The following ZNF730 variants were observed in gnomAD, a reference collection of about 807,000 sequenced individuals.
ZNF730 encodes putative zinc finger protein 730.
ZNF730 carries 12 observed loss-of-function variants against 12.6 expected under a neutral mutation model. That is an observed-to-expected ratio of 0.95 (90% CI 0.61 to 1.54). The LOEUF (loss-of-function observed/expected upper bound fraction) is 1.54, where lower values mean the gene tolerates loss of function less well. ZNF730 is among the 40% of genes most tolerant of loss of function. ZNF730 has a pLI of 0.00. For synonymous variants in ZNF730, 194 were observed against 195.8 expected (o/e 0.99, Z 0.08); for missense variants, 643 against 583.5 (o/e 1.10, Z -1.05).
intron 1 of ZNF730, among the ~76,000 whole-genome samples, chr19:23,104,124 G>A (rs896205280): frequency 2.0e-5 from 3 of 151,942 alleles, no homozygotes; most frequent in African/African-American, 7.3e-5. Context: ...TGGCTAACAC[G>A]GTGAAACCCA....
Position 23,146,710 on chromosome 19 carries a change from GGA to G in ZNF730, c.*157_*158del. On this transcript the variant is annotated 3_prime_UTR_variant, in exon 4 of 4. Coordinates refer to ENST00000597761, the MANE Select transcript of ZNF730 (RefSeq NM_001277403.2). ...TACTAAACATAAGGTAATTCATACTGGAGAAAAACCTACAAATGTGAAGAATG... is the reference window on the plus strand; with the variant it reads ...TACTAAACATAAGGTAATTCATACTGGAAAAACCTACAAATGTGAAGAATG... 7.1e-7 allele frequency: 1 copy of G among 1,401,066 alleles called. No homozygotes were observed. The highest frequency in any genetic ancestry group is 1.0e-6 in the Non-Finnish European group (1 of 989,308). The allele number at this position is 1,401,066 out of a possible 1,614,324, so 86.8% of individuals were successfully genotyped here.
At position 23,134,143 on chromosome 19, in the gene ZNF730, A is replaced by G; in HGVS notation, c.67A>G (p.Thr23Ala). Reference protein sequence around the residue: ...FSLEEWQCLDTEQQNLYRNVM... With the variant: ...FSLEEWQCLDAEQQNLYRNVM... ...TCTGGAGGAGTGGCAATGTCTGGAC[A>G]CCGAACAACAGAATTTATATAGAAA... The change falls in exon 2 of 4, where the codon ACC becomes GCC. Residue 23 changes from threonine to alanine, a missense_variant. By Grantham distance (58) the Thr-to-Ala change is moderately conservative (BLOSUM62 0). Coordinates refer to ENST00000597761, the MANE Select transcript of ZNF730 (RefSeq NM_001277403.2). The G allele has an allele frequency of 6.2e-7, 1 of 1,613,216 alleles. No homozygotes were observed. The highest frequency in any genetic ancestry group is 8.5e-7 in the Non-Finnish European group (1 of 1,179,640).
intron 1 of ZNF730, chr19:23,125,787 TA>T: frequency 5.4e-6 from 1 of 186,624 alleles, no homozygotes; most frequent in Non-Finnish European, 1.2e-5. Flanking sequence ...AGGATAAAAA[TA>T]AATACAACAC....
chr19:23,085,496 CTTTTTTTTTTTT>C (rs58871710), intron 1 of ZNF730, among the ~76,000 whole-genome samples: 15 of 52,790 alleles, frequency 2.8e-4, no homozygotes, highest in East Asian at 7.8e-4. Context: ...CCATGCCCGT[CTTTTTTTTTTTT>C]TTTTTTTTTT....
At chr19:23,096,934 T>C (rs900616388) in intron 1 of ZNF730, among the ~76,000 whole-genome samples, 2 of 152,208 alleles carry the variant, frequency 1.3e-5, no homozygotes, top group African/African-American at 2.4e-5. Flanking sequence ...AAAAGTGTTA[T>C]GACATCTTTT....
Position 23,076,345 on chromosome 19 carries a change from AAAAAAT to A in ZNF730, c.-94+971_-94+976del, listed in dbSNP as rs1376929342. ...AAATAATCCTCTGTCACTCCACTGT[AAAAAAT>A]AAAAATAAAAATTATCTCTGCCTCT... On this transcript the variant is annotated intron_variant, in intron 1 of 2. Coordinates refer to the ZNF730 transcript ENST00000593635. 1.4e-4 allele frequency among the ~76,000 whole-genome samples: 21 copies of A among 152,008 alleles called. No individual in the cohort carries two copies. The South Asian group carries it at 1.9e-3, about 13-fold the overall frequency.
chr19:23,142,211 A>G (rs1970932392), intron 3 of ZNF730, among the ~76,000 whole-genome samples: 1 of 152,164 alleles, frequency 6.6e-6, no homozygotes, highest in South Asian at 2.1e-4. Flanking sequence ...TTTTAACTTA[A>G]GATGTAGTTG....
At chr19:23,132,341 G>T (rs938961510) in intron 1 of ZNF730, among the ~76,000 whole-genome samples, 2 of 152,142 alleles carry the variant, frequency 1.3e-5, no homozygotes, top group Non-Finnish European at 2.9e-5. Context: ...AACATGCCTT[G>T]GAGTAAGGGT....
chr19:23,094,976 A>G (rs1970224658), intron 1 of ZNF730: 1 of 162,124 alleles, frequency 6.2e-6, no homozygotes, highest in Non-Finnish European at 1.3e-5. Flanking sequence ...ACCGTGCCTC[A>G]TCTGGTTATA....
chr19:23,081,273 C>T (rs1177416654), intron 1 of ZNF730, among the ~76,000 whole-genome samples: 1 of 151,566 alleles, frequency 6.6e-6, no homozygotes, highest in African/African-American at 2.4e-5. Flanking sequence ...ACCTCCTGAG[C>T]AGCTTGGATT....
chr19:23,101,804 G>A (rs1229373851), intron 1 of ZNF730, among the ~76,000 whole-genome samples: 4 of 152,152 alleles, frequency 2.6e-5, no homozygotes, highest in East Asian at 3.9e-4. Context: ...TCCTGACCTC[G>A]TGTTCTGCCC....
intron 1 of ZNF730, among the ~76,000 whole-genome samples, chr19:23,109,040 C>T (rs1056319361): frequency 6.6e-5 from 10 of 152,160 alleles, no homozygotes; most frequent in African/African-American, 1.7e-4. Flanking sequence ...GCATGAGCCA[C>T]AGCACCCAGC....
intron 1 of ZNF730, among the ~76,000 whole-genome samples, chr19:23,081,561 C>G (rs759800134): frequency 6.6e-6 from 1 of 151,994 alleles, no homozygotes; most frequent in Non-Finnish European, 1.5e-5. Flanking sequence ...CCCAGGTGAT[C>G]CACCCGCCTC....
intron 1 of ZNF730, among the ~76,000 whole-genome samples, chr19:23,101,348 G>A (rs1274505229): frequency 6.6e-6 from 1 of 152,198 alleles, no homozygotes; most frequent in African/African-American, 2.4e-5. Flanking sequence ...ATAAGAGTCT[G>A]TGACTTCACT....
chr19:23,140,031 G>A (rs1426237878), intron 3 of ZNF730, among the ~76,000 whole-genome samples: 4 of 152,012 alleles, frequency 2.6e-5, no homozygotes, highest in Non-Finnish European at 5.9e-5. Context: ...ATAATTAAGA[G>A]ATAAATCAGC....
At chr19:23,089,440 G>A (rs1030265070) in intron 1 of ZNF730, among the ~76,000 whole-genome samples, 2 of 152,114 alleles carry the variant, frequency 1.3e-5, no homozygotes, top group Admixed American at 6.6e-5. Flanking sequence ...AATTTGAATT[G>A]TGTTTCCCAG....
chr19:23,121,130 T>G (rs1444144250), intron 1 of ZNF730, among the ~76,000 whole-genome samples: 1 of 152,234 alleles, frequency 6.6e-6, no homozygotes, highest in Non-Finnish European at 1.5e-5. Flanking sequence ...TGTGGTCAGT[T>G]TTAGAGTATT....
intron 1 of ZNF730, among the ~76,000 whole-genome samples, chr19:23,086,268 C>CT (rs1465132772): frequency 1.3e-5 from 2 of 152,138 alleles, no homozygotes; most frequent in Non-Finnish European, 2.9e-5. Flanking sequence ...TCTGTTTACT[C>CT]TGTTCATAGT....
At chr19:23,097,418 T>C (rs920740997) in intron 1 of ZNF730, among the ~76,000 whole-genome samples, 9 of 152,146 alleles carry the variant, frequency 5.9e-5, no homozygotes, top group Non-Finnish European at 1.0e-4. Context: ...ACCGAGCTGA[T>C]GTAACTCTTC....
Sources: gnomAD v4.1 joint callset for allele counts (sites outside exome capture counted in the v4.1 genomes callset) on GRCh38, gnomAD v4.1.1 for gene constraint, MANE v1.5 for transcripts, NCBI Gene and HGNC (gene_info 2026-07-23, HGNC 2026-07-21) for gene names.